Variants in INPP4B observed in about 807,000 individuals in gnomAD.
INPP4B encodes the protein inositol polyphosphate 4-phosphatase type II.
INPP4B carries 55 observed loss-of-function variants against 122.5 expected under a neutral mutation model. The ratio of observed to expected loss-of-function variants is 0.45; its 90% confidence interval spans 0.36 to 0.56. INPP4B has a LOEUF of 0.56. INPP4B is among the 20% of genes least tolerant of loss of function. The pLI is 0.00. For missense variants in INPP4B, 1,000 were observed against 1,097.7 expected (o/e 0.91, Z 1.26); for synonymous variants, 403 against 388.7 (o/e 1.04, Z -0.43).
intron 5 of INPP4B, chr4:142,427,421 G>T: frequency 1.7e-6 from 1 of 595,680 alleles, no homozygotes; most frequent in South Asian, 2.3e-5. Flanking sequence ...TATACTGGTA[G>T]AACATTATTA....
At chr4:142,223,629 A>G (rs1850306055) in intron 12 of INPP4B, among the ~76,000 whole-genome samples, 1 of 152,194 alleles carries the variant, frequency 6.6e-6, no homozygotes. Flanking sequence ...TCATTAAGTG[A>G]TACCAGGAAT....
chr4:142,313,930 G>A (rs761852668), intron 8 of INPP4B, among the ~76,000 whole-genome samples: 4 of 152,160 alleles, frequency 2.6e-5, no homozygotes, highest in Non-Finnish European at 5.9e-5. Flanking sequence ...TGTGTTCAAT[G>A]AGAAAATTAA....
rs1019403867 is a variant in INPP4B, at chr4:142,364,431, C to A, written c.372+38507G>T. On this transcript the variant is annotated intron_variant, in intron 7 of 25. Coordinates refer to ENST00000262992, the MANE Select transcript of INPP4B (RefSeq NM_001101669.3). ...AGTAAAACCTACCCTTTGTCTAACA[C>A]GCTAATTAAGAGGGATCTAAGAGAA... Among the ~76,000 whole-genome samples the A allele has an allele frequency of 2.6e-5, 4 of 151,992 alleles. No homozygotes were observed. The East Asian group carries it at 7.8e-4, about 30-fold the overall frequency.
intron 2 of INPP4B, among the ~76,000 whole-genome samples, chr4:142,581,469 AATAG>A (rs200428728): frequency 2.2e-3 from 324 of 150,506 alleles, no homozygotes; most frequent in Admixed American, 0.012. Context: ...GAACTTTGGA[AATAG>A]ATAGAAGTTC....
rs983471085 is a variant in INPP4B, at chr4:142,594,974, A to G, written c.-191+130865T>C. ...TGTCTCAAAAAAAAAAAAAAAAAAA[A>G]AAAGAAAGGCAGAGCATGAATGCAG... On this transcript the variant is annotated intron_variant, in intron 2 of 25. Transcript: ENST00000262992. Among the ~76,000 whole-genome samples, 397 of 151,382 alleles carry G rather than the reference A, an allele frequency of 2.6e-3. 6 individuals are homozygous for G. Among genetic ancestry groups the G allele is most frequent in the East Asian group, 0.018 (93 of 5,152 alleles).
rs545724435 is a variant in INPP4B, at chr4:142,112,460, A to G, written c.2276+82T>C. On this transcript the variant is annotated intron_variant, in intron 22 of 25. Coordinates refer to ENST00000262992, the MANE Select transcript of INPP4B (RefSeq NM_001101669.3). ...ACTCATAAATTGATGTTAGTTCTAC[A>G]TGCAGATACATGGGACTTCTCATCA... The G allele has an allele frequency of 6.4e-5, 85 of 1,324,674 alleles. 1 individual carries two copies. In the South Asian group the frequency reaches 9.9e-4, roughly 15 times the overall value. The allele number at this position is 1,324,674 out of a possible 1,614,324, so 82.1% of individuals were successfully genotyped here.
intron 10 of INPP4B, 73 bp from the exon 11 acceptor site, chr4:142,260,637 CA>C (rs1739491786): frequency 9.9e-7 from 1 of 1,015,134 alleles, no homozygotes; most frequent in Non-Finnish European, 1.5e-6. Flanking sequence ...ATTTTATTTG[CA>C]AAACATAAGG....
rs147189706 is a variant in INPP4B at position 142,349,098 on chromosome 4, C to G, written c.373-34336G>C. ...ACTGCTACATAGTCTGTTTAGTAGCCAAGATCATCATGGCAATGGTCATTT... is the reference window on the plus strand; with the variant it reads ...ACTGCTACATAGTCTGTTTAGTAGCGAAGATCATCATGGCAATGGTCATTT... On this transcript the variant is annotated intron_variant, in intron 7 of 25. Coordinates refer to ENST00000262992, the MANE Select transcript of INPP4B (RefSeq NM_001101669.3). Among the ~76,000 whole-genome samples, 125 of 151,984 alleles carry G rather than the reference C, an allele frequency of 8.2e-4. 1 individual carries two copies. The highest frequency in any genetic ancestry group is 1.5e-3 in the Non-Finnish European group (101 of 67,962).
At position 142,421,750 on chromosome 4, in the gene INPP4B, T is replaced by C. The variant is rs370697396; in HGVS notation, c.136+7423A>G. On this transcript the variant is annotated intron_variant, in intron 5 of 25. Coordinates refer to ENST00000262992, the MANE Select transcript of INPP4B (RefSeq NM_001101669.3). ...ACCAACTGAAATCCTGCTCATTCTT[T>C]TAAGACTTGGTCCAAATGCCTCTTC... Among the ~76,000 whole-genome samples, 33 of 152,272 alleles carry C rather than the reference T, an allele frequency of 2.2e-4. No individual in the cohort carries two copies. The East Asian group carries it at 6.0e-3, about 28-fold the overall frequency.
intron 10 of INPP4B, among the ~76,000 whole-genome samples, chr4:142,269,196 T>C (rs1744531417): frequency 1.3e-5 from 2 of 152,228 alleles, no homozygotes; most frequent in Non-Finnish European, 2.9e-5. Flanking sequence ...GAATGCATAA[T>C]TGACTATTCC....
intron 2 of INPP4B, among the ~76,000 whole-genome samples, chr4:142,631,095 C>A (rs1354196366): frequency 6.6e-6 from 1 of 152,000 alleles, no homozygotes; most frequent in Non-Finnish European, 1.5e-5. Flanking sequence ...GGCAATAAAT[C>A]AACAGGGATG....
At chr4:142,250,518 A>C (rs1049148933) in intron 11 of INPP4B, among the ~76,000 whole-genome samples, 2 of 152,250 alleles carry the variant, frequency 1.3e-5, no homozygotes, top group African/African-American at 4.8e-5. Context: ...ATTAATTTCA[A>C]AGTTGCTGAG....
In INPP4B at chr4:142,372,159, C is replaced by T. The variant is rs561972695; in HGVS notation, c.372+30779G>A. The stretch of plus-strand genomic sequence containing the variant: ...ACATGGATGGAACTGGAGGTCATTA[C>T]GTTAAATGAAATAAGCCAGGCAAGA... On this transcript the variant is annotated intron_variant, in intron 7 of 25. Transcript: ENST00000262992. 2.4e-4 allele frequency among the ~76,000 whole-genome samples: 36 copies of T among 152,056 alleles called. No homozygotes were observed. The South Asian group carries it at 7.3e-3, about 31-fold the overall frequency.
At chr4:142,560,777 C>A (rs1730292635) in intron 2 of INPP4B, 1 of 152,226 alleles carries the variant, frequency 6.6e-6, no homozygotes, top group Non-Finnish European at 1.5e-5. Context: ...CGGTGCCTAC[C>A]CAGATTGAAC....
intron 2 of INPP4B, among the ~76,000 whole-genome samples, chr4:142,518,530 C>T (rs952661098): frequency 1.3e-5 from 2 of 152,142 alleles, no homozygotes; most frequent in Admixed American, 1.3e-4. Context: ...GTGACTTCCT[C>T]TAATGATTGT....
chr4:142,321,960 C>A (rs887236566), intron 7 of INPP4B, among the ~76,000 whole-genome samples: 7 of 152,114 alleles, frequency 4.6e-5, no homozygotes, highest in Admixed American at 4.6e-4. Context: ...ATTAAATCTT[C>A]ATTTACTATT....
chr4:142,075,226 C>T (rs1202992506), intron 25 of INPP4B, among the ~76,000 whole-genome samples: 2 of 151,828 alleles, frequency 1.3e-5, no homozygotes, highest in African/African-American at 4.8e-5. Context: ...AAATGACGAC[C>T]ACATATTTCT....
At chr4:142,734,776 G>A (rs1470453245) in intron 1 of INPP4B, among the ~76,000 whole-genome samples, 1 of 152,160 alleles carries the variant, frequency 6.6e-6, no homozygotes, top group African/African-American at 2.4e-5. Context: ...CTCCCAAGTA[G>A]CTGGGATTAC....
At chr4:142,475,569 A>T (rs958496503) in intron 2 of INPP4B, among the ~76,000 whole-genome samples, 13 of 152,200 alleles carry the variant, frequency 8.5e-5, no homozygotes, top group Non-Finnish European at 1.5e-5. Flanking sequence ...AAGAAAGAAG[A>T]AACCCAATTC....
Sources: allele counts gnomAD v4.1 joint callset (sites outside exome capture counted in the v4.1 genomes callset), GRCh38; gene constraint gnomAD v4.1.1; transcripts MANE v1.5; gene names NCBI Gene and HGNC (gene_info 2026-07-23, HGNC 2026-07-21).